SRPK1: variants seen among roughly 807,000 people sequenced by gnomAD.
SRPK1 encodes the protein SFRS protein kinase 1.
A neutral mutation model predicts 89.5 loss-of-function variants in SRPK1; 52 were observed. The ratio of observed to expected loss-of-function variants is 0.58; its 90% confidence interval spans 0.46 to 0.73. SRPK1 has a LOEUF of 0.73. Among genes scored for constraint, SRPK1 ranks in the 30% least tolerant of loss-of-function variants. The pLI is 0.00. For missense variants in SRPK1, 603 were observed against 780.6 expected (o/e 0.77, Z 2.71); for synonymous variants, 255 against 270.2 (o/e 0.94, Z 0.55).
intron 6 of SRPK1, among the ~76,000 whole-genome samples, chr6:35,880,450 C>T (rs901535272): frequency 1.3e-5 from 2 of 151,788 alleles, no homozygotes; most frequent in African/African-American, 4.8e-5. Context: ...AGGCTGGGCA[C>T]GGTGGCTCAC....
intron 13 of SRPK1, among the ~76,000 whole-genome samples, chr6:35,846,118 T>C (rs1002714902): frequency 3.9e-5 from 6 of 152,104 alleles, no homozygotes; most frequent in Middle Eastern, 3.2e-3. Flanking sequence ...AGTTTCAGTT[T>C]AGAAAGATAA....
rs1769150241 is a variant in SRPK1 at position 35,835,152 on chromosome 6, G to A, written c.*152C>T. ...TGGGGATCTCCACAGGGTCAAGTAA[G>A]CAAACCCAAATGAACATGTTGGATT... On this transcript the variant is annotated 3_prime_UTR_variant, in exon 16 of 16. Transcript: ENST00000373825. 7.8e-6 allele frequency: 6 copies of A among 765,532 alleles called. No individual in the cohort carries two copies. In the South Asian group the frequency reaches 1.4e-4, roughly 18 times the overall value. The allele number at this position is 765,532 out of a possible 1,614,324, so 47.4% of individuals were successfully genotyped here. A position where few individuals can be genotyped will look rare whatever the true frequency, so the allele number is the denominator to read the frequency against.
chr6:35,915,997 TACACACACACACACACACACACAC>T lies in SRPK1; in HGVS notation c.74+4447_74+4470del, dbSNP rs57574093. 1.2e-4 allele frequency among the ~76,000 whole-genome samples: 11 copies of T among 90,206 alleles called. No individual in the cohort carries two copies. In the East Asian group the frequency reaches 2.3e-3, roughly 19 times the overall value. 59.2% of individuals were successfully genotyped at this position (90,206 alleles called of 152,430 possible). ...AAAAACAAAAAAAAAAAAAAATATATACACACACACACACACACACACACACACACACACACACACACACACGTT... is the reference window on the plus strand; with the variant it reads ...AAAAACAAAAAAAAAAAAAAATATATACACACACACACACACACACACGTT... On this transcript the variant is annotated intron_variant, in intron 2 of 15. Coordinates refer to ENST00000373825, the MANE Select transcript of SRPK1 (RefSeq NM_003137.5).
intron 15 of SRPK1, among the ~76,000 whole-genome samples, chr6:35,835,942 C>T (rs904911692): frequency 2.0e-5 from 3 of 152,088 alleles, no homozygotes; most frequent in Non-Finnish European, 4.4e-5. Context: ...AAAGTTAAAA[C>T]ATCATGTCAA....
intron 7 of SRPK1, among the ~76,000 whole-genome samples, chr6:35,873,018 C>T (rs1770067849): frequency 6.6e-6 from 1 of 152,200 alleles, no homozygotes; most frequent in Non-Finnish European, 1.5e-5. Context: ...AACTTCAACA[C>T]ACACACACCC....
At chr6:35,874,380 G>A in intron 6 of SRPK1, 41 bp from the exon 7 acceptor site, 1 of 1,381,084 alleles carries the variant, frequency 7.2e-7, no homozygotes, top group Non-Finnish European at 1.0e-6. Flanking sequence ...CACAAAAGAA[G>A]AACACGGCAA....
intron 6 of SRPK1, among the ~76,000 whole-genome samples, chr6:35,885,323 A>AGAGAGAGAGAGG: frequency 6.6e-6 from 1 of 151,048 alleles, no homozygotes; most frequent in African/African-American, 2.4e-5. Flanking sequence ...AGAGAGAGAG[A>AGAGAGAGAGAGG]GAGAGAGCCA....
rs1256780750 is a variant in SRPK1, at chr6:35,902,213, T to C, written c.75-11200A>G. Among the ~76,000 whole-genome samples the C allele has an allele frequency of 7.8e-5, 10 of 127,426 alleles. No individual in the cohort carries two copies. In the East Asian group the frequency reaches 2.0e-3, roughly 25 times the overall value. The allele number at this position is 127,426 out of a possible 152,430, so 83.6% of individuals were successfully genotyped here. A position where few individuals can be genotyped will look rare whatever the true frequency, so the allele number is the denominator to read the frequency against. ...ATGCTTGAGCCCAGCCTGGGCCAGA[T>C]GGCGAGACTCCGTCTCTACAAAAAA... On this transcript the variant is annotated intron_variant, in intron 2 of 15. Coordinates refer to ENST00000373825, the MANE Select transcript of SRPK1 (RefSeq NM_003137.5).
intron 13 of SRPK1, among the ~76,000 whole-genome samples, chr6:35,852,055 C>T (rs915565287): frequency 6.6e-5 from 10 of 152,130 alleles, no homozygotes; most frequent in African/African-American, 2.4e-4. Context: ...CTGGTGAAAG[C>T]TGAAAGCCTT....
intron 7 of SRPK1, among the ~76,000 whole-genome samples, chr6:35,873,335 A>G (rs1374178221): frequency 6.6e-6 from 1 of 152,248 alleles, no homozygotes; most frequent in African/African-American, 2.4e-5. Context: ...ACTTCTGGAT[A>G]AGGGCTCCAA....
Position 35,857,319 on chromosome 6 carries a change from T to A in SRPK1, c.1562A>T (p.Glu521Val). ...DIQTRQYRSL[E>V]VLIGSGYNTP... ...ATTATAGCCAGATCCGATTAGAACT[T>A]CCAAGGAACGATATTGCCTTGTTTG... Residue 521 changes from glutamate to valine, a missense_variant, in exon 13 of 16, where the codon GAA becomes GTA. Coordinates refer to ENST00000373825, the MANE Select transcript of SRPK1 (RefSeq NM_003137.5). 1.9e-6 allele frequency: 3 copies of A among 1,613,322 alleles called. No homozygotes were observed. Among genetic ancestry groups the A allele is most frequent in the Non-Finnish European group, 2.5e-6 (3 of 1,179,666 alleles).
intron 13 of SRPK1, among the ~76,000 whole-genome samples, chr6:35,854,195 C>T (rs960706359): frequency 6.6e-6 from 1 of 152,070 alleles, no homozygotes; most frequent in African/African-American, 2.4e-5. Context: ...AAGTAATCTG[C>T]CTGCCTCAGC....
At chr6:35,887,999 T>C in intron 5 of SRPK1, 25 bp downstream of exon 5, 1 of 1,503,654 alleles carries the variant, frequency 6.7e-7, no homozygotes, top group Non-Finnish European at 9.0e-7. Context: ...ATTCTTCACA[T>C]TCATACATAT....
intron 6 of SRPK1, among the ~76,000 whole-genome samples, chr6:35,884,665 A>T (rs1770365591): frequency 6.6e-6 from 1 of 152,172 alleles, no homozygotes; most frequent in Admixed American, 6.6e-5. Flanking sequence ...ATAGGGAATC[A>T]ATGGACAGAA....
chr6:35,844,992 A>G (rs1387644833), intron 13 of SRPK1, among the ~76,000 whole-genome samples: 1 of 152,238 alleles, frequency 6.6e-6, no homozygotes, highest in Non-Finnish European at 1.5e-5. Flanking sequence ...TGAGCTATTA[A>G]GCCGTGAAGA....
At chr6:35,876,256 G>A (rs1195608450) in intron 6 of SRPK1, among the ~76,000 whole-genome samples, 3 of 152,118 alleles carry the variant, frequency 2.0e-5, no homozygotes, top group Non-Finnish European at 4.4e-5. Flanking sequence ...TGAGGTTGTG[G>A]AACAATTAGA....
In SRPK1 at chr6:35,889,011, A is replaced by G; in HGVS notation, c.194-88T>C. ...CATTTTTAACATCACATTTTTCAAC[A>G]TCTATATACCTTTTATCAATAAAAA... On this transcript the variant is annotated intron_variant, in intron 3 of 15. Coordinates refer to ENST00000373825, the MANE Select transcript of SRPK1 (RefSeq NM_003137.5). The G allele has an allele frequency of 2.1e-5, 17 of 817,750 alleles. No homozygotes were observed. The South Asian group carries it at 2.5e-4, about 12-fold the overall frequency. The allele number at this position is 817,750 out of a possible 1,614,324, so 50.7% of individuals were successfully genotyped here. A position where few individuals can be genotyped will look rare whatever the true frequency, so the allele number is the denominator to read the frequency against.
intron 2 of SRPK1, among the ~76,000 whole-genome samples, chr6:35,918,281 A>G (rs1562001487): frequency 1.3e-5 from 2 of 152,168 alleles, no homozygotes; most frequent in East Asian, 3.9e-4. Context: ...CAGGCGGATT[A>G]CCTGAGCTCA....
At chr6:35,902,232 C>CAA (rs58763282) in intron 2 of SRPK1, among the ~76,000 whole-genome samples, 35 of 83,514 alleles carry the variant, frequency 4.2e-4, no homozygotes, top group East Asian at 1.3e-3. Context: ...TCCGTCTCTA[C>CAA]AAAAAAAAAA....
Sources: gnomAD v4.1 joint callset for allele counts (sites outside exome capture counted in the v4.1 genomes callset) on GRCh38, gnomAD v4.1.1 for gene constraint, MANE v1.5 for transcripts, NCBI Gene and HGNC (gene_info 2026-07-23, HGNC 2026-07-21) for gene names.